EPC2: variants seen among roughly 807,000 people sequenced by gnomAD.
The protein encoded by EPC2 is enhancer of polycomb 2, also known as enhancer of polycomb homolog 2.
In EPC2, 14 loss-of-function variants were observed where a neutral mutation model predicts 92.1. That is an observed-to-expected ratio of 0.15 (90% CI 0.10 to 0.24). EPC2 has a LOEUF of 0.24. Ranked by LOEUF, EPC2 falls within the 10% of genes least tolerant of loss-of-function variation. The pLI is 1.00. For synonymous variants in EPC2, 340 were observed against 334.7 expected (o/e 1.02, Z -0.17); for missense variants, 755 against 971.5 (o/e 0.78, Z 2.96).
At chr2:148,736,098 T>C (rs1682749447) in intron 2 of EPC2, among the ~76,000 whole-genome samples, 1 of 152,136 alleles carries the variant, frequency 6.6e-6, no homozygotes, top group South Asian at 2.1e-4. Flanking sequence ...AATGAATTAG[T>C]GCATCAAGGT....
chr2:148,662,018 A>T (rs1488119413), intron 1 of EPC2, among the ~76,000 whole-genome samples: 1 of 152,242 alleles, frequency 6.6e-6, no homozygotes, highest in Non-Finnish European at 1.5e-5. Context: ...ATATGAACAG[A>T]CACTTCTCAA....
chr2:148,744,934 T>C (rs1471187306), intron 3 of EPC2, among the ~76,000 whole-genome samples: 1 of 147,202 alleles, frequency 6.8e-6, no homozygotes, highest in Non-Finnish European at 1.5e-5. Context: ...TTACAAGCTC[T>C]TCAGAGCATT....
At position 148,783,461 on chromosome 2, in the gene EPC2, C is replaced by T. The variant is rs1031866479; in HGVS notation, c.1858-136C>T. On this transcript the variant is annotated intron_variant, in intron 11 of 13. Transcript: ENST00000258484. ...ATATGCCAAAAATCATCTATGGAATCGTAGATCGCTTAATCTAAACACTTG... is the reference window on the plus strand; with the variant it reads ...ATATGCCAAAAATCATCTATGGAATTGTAGATCGCTTAATCTAAACACTTG... 8 of 715,810 alleles carry T rather than the reference C, an allele frequency of 1.1e-5. No homozygotes were observed. The Admixed American group carries it at 1.2e-4, about 11-fold the overall frequency. The allele number at this position is 715,810 out of a possible 1,614,324, so 44.3% of individuals were successfully genotyped here.
rs1236596258 is a variant in EPC2, at chr2:148,786,581, T to C, written c.*204T>C. 2.3e-6 allele frequency: 1 copy of C among 438,606 alleles called. No individual in the cohort carries two copies. Among genetic ancestry groups the C allele is most frequent in the Non-Finnish European group, 4.1e-6 (1 of 241,822 alleles). The allele number at this position is 438,606 out of a possible 1,614,324, so 27.2% of individuals were successfully genotyped here. Reference sequence around the variant, plus strand: ...CTTGTAAAATAGTTTATTTGTATCATCAATATTATTTCTGTTACTTGAATA... The same window carrying C: ...CTTGTAAAATAGTTTATTTGTATCACCAATATTATTTCTGTTACTTGAATA... On this transcript the variant is annotated 3_prime_UTR_variant, in exon 14 of 14. Transcript: ENST00000258484.
At chr2:148,687,242 C>T (rs1410501827) in intron 1 of EPC2, among the ~76,000 whole-genome samples, 1 of 152,204 alleles carries the variant, frequency 6.6e-6, no homozygotes, top group Admixed American at 6.5e-5. Flanking sequence ...TTTCACCTCT[C>T]TCAGCCTTCA....
chr2:148,728,986 C>G (rs181866743), intron 2 of EPC2, among the ~76,000 whole-genome samples: 137 of 131,844 alleles, frequency 1.0e-3, no homozygotes, highest in African/African-American at 3.4e-3. Context: ...GAGGCAAGAT[C>G]GCGCCACTGT....
intron 10 of EPC2, among the ~76,000 whole-genome samples, chr2:148,771,710 C>G (rs944609073): frequency 2.6e-5 from 4 of 152,024 alleles, no homozygotes; most frequent in African/African-American, 9.7e-5. Flanking sequence ...CATTTTGGTG[C>G]GTAAACTTTC....
intron 1 of EPC2, among the ~76,000 whole-genome samples, chr2:148,681,884 C>A (rs1681404581): frequency 6.6e-6 from 1 of 152,126 alleles, no homozygotes; most frequent in South Asian, 2.1e-4. Context: ...CCCTACCCGA[C>A]AACAGGCCCC....
intron 1 of EPC2, among the ~76,000 whole-genome samples, chr2:148,647,749 C>G (rs1683834089): frequency 6.6e-6 from 1 of 151,182 alleles, no homozygotes; most frequent in African/African-American, 2.4e-5. Flanking sequence ...TCTCCTGCCT[C>G]AGCCTCTCAA....
At chr2:148,691,945 A>T in intron 2 of EPC2, 1 of 401,926 alleles carries the variant, frequency 2.5e-6, no homozygotes, top group Non-Finnish European at 4.8e-6. Flanking sequence ...CTTATGGTAT[A>T]TATAGTAATG....
At chr2:148,785,734 A>AG (rs1162624977) in intron 13 of EPC2, among the ~76,000 whole-genome samples, 7 of 152,222 alleles carry the variant, frequency 4.6e-5, no homozygotes, top group African/African-American at 1.7e-4. Context: ...TCATACACAA[A>AG]GGGAAAGTAA....
At chr2:148,751,461 T>C (rs1234456177) in intron 3 of EPC2, among the ~76,000 whole-genome samples, 1 of 152,118 alleles carries the variant, frequency 6.6e-6, no homozygotes, top group Admixed American at 6.6e-5. Flanking sequence ...GCCAGTTAAG[T>C]AACTGGTTTC....
chr2:148,785,836 G>C (rs147153087), intron 13 of EPC2, among the ~76,000 whole-genome samples: 2 of 152,038 alleles, frequency 1.3e-5, no homozygotes, highest in South Asian at 4.2e-4. Context: ...AATACAAGGA[G>C]AACAATGAAT....
At chr2:148,749,849 A>G (rs1373221268) in intron 3 of EPC2, among the ~76,000 whole-genome samples, 3 of 152,166 alleles carry the variant, frequency 2.0e-5, no homozygotes, top group Non-Finnish European at 2.9e-5. Context: ...AAAGTTAATG[A>G]GCAGTCAGAT....
Position 148,783,606 on chromosome 2 carries a change from A to C in EPC2, c.1867A>C (p.Thr623Pro). 1.2e-6 allele frequency: 2 copies of C among 1,606,104 alleles called. No homozygotes were observed. Among genetic ancestry groups the C allele is most frequent in the Non-Finnish European group, 1.7e-6 (2 of 1,175,898 alleles). Residue 623 changes from threonine to proline, a missense_variant, in exon 12 of 14, where the codon ACC becomes CCC. By Grantham distance (38) the Thr-to-Pro change is conservative. Transcript: ENST00000258484. ...QTHPKAQGSSTSDCMSKTLDS... is the reference protein window; with the variant it reads ...QTHPKAQGSSPSDCMSKTLDS... ...TTTGTTCATTTTATAGGGCTCAAGC[A>C]CCTCTGACTGTATGTCTAAAACACT...
rs546873480 is a variant in EPC2, at chr2:148,756,201, C to T, written c.666+2068C>T. ...CCTGACACTCTGATTCCTACCCTTT[C>T]TCTTGTTTGTTATTTTTCCATTTTC... On this transcript the variant is annotated intron_variant, in intron 4 of 13. Coordinates refer to ENST00000258484, the MANE Select transcript of EPC2 (RefSeq NM_015630.4). Among the ~76,000 whole-genome samples the T allele has an allele frequency of 2.0e-5, 3 of 152,324 alleles. 1 individual carries two copies. In the South Asian group the frequency reaches 6.2e-4, roughly 32 times the overall value.
intron 3 of EPC2, among the ~76,000 whole-genome samples, chr2:148,750,847 C>G (rs984209618): frequency 1.3e-5 from 2 of 151,918 alleles, no homozygotes; most frequent in African/African-American, 4.8e-5. Context: ...AAATAATAAG[C>G]CATAGATTTG....
intron 1 of EPC2, among the ~76,000 whole-genome samples, chr2:148,654,756 G>T (rs1680756425): frequency 6.6e-6 from 1 of 152,190 alleles, no homozygotes; most frequent in Non-Finnish European, 1.5e-5. Context: ...TGGCACAGCA[G>T]TTGACAAGCA....
chr2:148,705,711 C>G (rs1316013506), intron 2 of EPC2, among the ~76,000 whole-genome samples: 1 of 152,128 alleles, frequency 6.6e-6, no homozygotes, highest in African/African-American at 2.4e-5. Flanking sequence ...AGCAAACGGT[C>G]TGGAGTGGAC....
Sources: gnomAD v4.1 joint callset for allele counts (sites outside exome capture counted in the v4.1 genomes callset) on GRCh38, gnomAD v4.1.1 for gene constraint, MANE v1.5 for transcripts, NCBI Gene and HGNC (gene_info 2026-07-23, HGNC 2026-07-21) for gene names.